The following POU6F2 variants were observed in gnomAD, a reference collection of about 807,000 sequenced individuals.
POU6F2 encodes POU domain, class 6, transcription factor 2.
Under a neutral mutation model 71.3 loss-of-function variants are expected in POU6F2, and 31 were observed. The observed-to-expected ratio is 0.43, with a 90% CI of 0.33 to 0.59. The LOEUF is 0.59. Among genes scored for constraint, POU6F2 ranks in the 20% least tolerant of loss-of-function variants. The probability of loss-of-function intolerance (pLI) is 0.04; values close to 1 mark genes in which losing one functional copy is unlikely to be tolerated. For missense variants in POU6F2, 783 were observed against 856.8 expected (o/e 0.91, Z 1.07); for synonymous variants, 347 against 355.7 (o/e 0.98, Z 0.27).
At chr7:39,402,145 G>T (rs1481818676) in intron 5 of POU6F2, among the ~76,000 whole-genome samples, 1 of 152,174 alleles carries the variant, frequency 6.6e-6, no homozygotes, top group African/African-American at 2.4e-5. Context: ...AAGAGAATAT[G>T]GGACATGACT....
Position 38,982,828 on chromosome 7 carries a change from G to T in POU6F2, c.105+4770G>T, listed in dbSNP as rs527552395. Reference sequence around the variant, plus strand: ...TATTCTTACCTCTAACATATGCAGAGAGGTGGCTGCAACTTTTAGAATACA... The same window carrying T: ...TATTCTTACCTCTAACATATGCAGATAGGTGGCTGCAACTTTTAGAATACA... On this transcript the variant is annotated intron_variant, in intron 1 of 9. Transcript: ENST00000518318. Among the ~76,000 whole-genome samples the T allele has an allele frequency of 2.0e-4, 31 of 152,190 alleles. 1 individual carries two copies. In the South Asian group the frequency reaches 6.4e-3, roughly 31 times the overall value.
In POU6F2 at chr7:38,998,810, C is replaced by T. The variant is rs11981388; in HGVS notation, c.105+20752C>T. Reference sequence around the variant, plus strand: ...GACTACAGGCGCCTGCCACCACACCCGGCTAATTTTTTTTTTTTTTTTTTT... The same window carrying T: ...GACTACAGGCGCCTGCCACCACACCTGGCTAATTTTTTTTTTTTTTTTTTT... On this transcript the variant is annotated intron_variant, in intron 1 of 9. Coordinates refer to ENST00000518318, the MANE Select transcript of POU6F2 (RefSeq NM_001370959.1). Among the ~76,000 whole-genome samples the T allele has an allele frequency of 7.3e-3, 1,057 of 145,554 alleles. 12 individuals are homozygous for T. The highest frequency in any genetic ancestry group is 0.026 in the African/African-American group (1,018 of 38,760).
At chr7:39,381,051 T>C (rs1248645786) in intron 5 of POU6F2, among the ~76,000 whole-genome samples, 1 of 151,558 alleles carries the variant, frequency 6.6e-6, no homozygotes, top group African/African-American at 2.4e-5. Flanking sequence ...CTTCTCAGCC[T>C]TTTTTGTTTT....
intron 5 of POU6F2, among the ~76,000 whole-genome samples, chr7:39,352,162 C>T (rs368196202): frequency 6.6e-6 from 1 of 152,150 alleles, no homozygotes; most frequent in East Asian, 1.9e-4. Context: ...TTTGTTGAAG[C>T]CATTTCTACA....
chr7:39,132,867 A>G (rs1005225999), intron 2 of POU6F2, among the ~76,000 whole-genome samples: 1 of 152,046 alleles, frequency 6.6e-6, no homozygotes, highest in South Asian at 2.1e-4. Flanking sequence ...CATTTTCAGG[A>G]CTGCCTTTTT....
rs543167302 is a variant in POU6F2 at position 39,346,076 on chromosome 7, T to C, written c.972+6061T>C. Among the ~76,000 whole-genome samples, 729 of 152,326 alleles carry C rather than the reference T, an allele frequency of 4.8e-3. 5 individuals are homozygous for C. Among genetic ancestry groups the C allele is most frequent in the African/African-American group, 0.016 (670 of 41,576 alleles). On this transcript the variant is annotated intron_variant, in intron 5 of 9. Transcript: ENST00000518318. ...TACTCTGCAAGGGACAATTTTTCCT[T>C]TTATGAAAGAAAGAAAATCTCCTTT...
intron 5 of POU6F2, chr7:39,373,388 T>C (rs2115762081): frequency 2.2e-6 from 1 of 455,754 alleles, no homozygotes; most frequent in Non-Finnish European, 4.4e-6. Context: ...GCAACTCAAA[T>C]ATGATAATTA....
chr7:39,070,575 C>G (rs949599481), intron 1 of POU6F2, among the ~76,000 whole-genome samples: 1 of 151,990 alleles, frequency 6.6e-6, no homozygotes, highest in Admixed American at 6.6e-5. Flanking sequence ...CTCTAGCACC[C>G]ATGCCCACCC....
chr7:39,334,374 A>T (rs1785721283), intron 4 of POU6F2, among the ~76,000 whole-genome samples: 1 of 152,196 alleles, frequency 6.6e-6, no homozygotes, highest in Non-Finnish European at 1.5e-5. Flanking sequence ...GGCATATGAC[A>T]GATGAAAAAT....
intron 4 of POU6F2, among the ~76,000 whole-genome samples, chr7:39,304,709 C>A (rs915470958): frequency 6.6e-6 from 1 of 152,162 alleles, no homozygotes; most frequent in African/African-American, 2.4e-5. Flanking sequence ...TACGCACACA[C>A]AGCATTCCTT....
chr7:39,224,205 A>G (rs1353199654), intron 4 of POU6F2, among the ~76,000 whole-genome samples: 3 of 152,154 alleles, frequency 2.0e-5, no homozygotes, highest in Non-Finnish European at 2.9e-5. Flanking sequence ...GATATTGCAT[A>G]CTTTTTCAGG....
intron 1 of POU6F2, among the ~76,000 whole-genome samples, chr7:38,989,597 A>C (rs947406673): frequency 1.3e-5 from 2 of 152,046 alleles, no homozygotes; most frequent in Non-Finnish European, 2.9e-5. Flanking sequence ...TTTAGGGATA[A>C]ATTATTTGAG....
At chr7:39,454,088 T>C (rs1028509579) in intron 8 of POU6F2, among the ~76,000 whole-genome samples, 4 of 152,202 alleles carry the variant, frequency 2.6e-5, no homozygotes, top group Non-Finnish European at 5.9e-5. Flanking sequence ...TTTGCTATGA[T>C]GGCTCACAGA....
chr7:39,390,556 T>C (rs1787047579), intron 5 of POU6F2, among the ~76,000 whole-genome samples: 1 of 152,220 alleles, frequency 6.6e-6, no homozygotes, highest in Non-Finnish European at 1.5e-5. Flanking sequence ...AAAGGAATGT[T>C]TTCCAGACCT....
At chr7:39,051,194 CA>C (rs1790393864) in intron 1 of POU6F2, among the ~76,000 whole-genome samples, 1 of 152,046 alleles carries the variant, frequency 6.6e-6, no homozygotes, top group Non-Finnish European at 1.5e-5. Flanking sequence ...AAATGAACCT[CA>C]GATCATTGCT....
At chr7:39,050,673 G>A (rs1310473167) in intron 1 of POU6F2, among the ~76,000 whole-genome samples, 1 of 152,032 alleles carries the variant, frequency 6.6e-6, no homozygotes, top group Non-Finnish European at 1.5e-5. Flanking sequence ...TCTCTGCTGG[G>A]GATGGGATTG....
intron 1 of POU6F2, among the ~76,000 whole-genome samples, chr7:39,076,913 G>A (rs1233887013): frequency 6.6e-6 from 1 of 152,002 alleles, no homozygotes; most frequent in Admixed American, 6.5e-5. Flanking sequence ...AACAGTCTCT[G>A]CTAGAGTTTT....
intron 4 of POU6F2, among the ~76,000 whole-genome samples, chr7:39,257,049 T>C (rs1427120319): frequency 6.6e-6 from 1 of 152,220 alleles, no homozygotes; most frequent in Non-Finnish European, 1.5e-5. Flanking sequence ...GTTTACCAGC[T>C]CACTTATGAG....
chr7:38,985,216 C>A (rs1197971966), intron 1 of POU6F2, among the ~76,000 whole-genome samples: 1 of 152,068 alleles, frequency 6.6e-6, no homozygotes, highest in Non-Finnish European at 1.5e-5. Context: ...TCAGACACAG[C>A]TAGTTAATTT....
Sources: gnomAD v4.1 joint callset for allele counts (sites outside exome capture counted in the v4.1 genomes callset) on GRCh38, gnomAD v4.1.1 for gene constraint, MANE v1.5 for transcripts, NCBI Gene and HGNC (gene_info 2026-07-23, HGNC 2026-07-21) for gene names.